MKLN1: variants seen among roughly 807,000 people sequenced by gnomAD.
The protein encoded by MKLN1 is muskelin.
A neutral mutation model predicts 99.0 loss-of-function variants in MKLN1; 18 were observed. The ratio of observed to expected loss-of-function variants is 0.18; its 90% CI spans 0.13 to 0.27. MKLN1 has a LOEUF of 0.27. MKLN1 is among the 10% of genes least tolerant of loss of function. MKLN1 has a pLI of 1.00. For missense variants in MKLN1, 621 were observed against 875.9 expected (o/e 0.71, Z 3.67); for synonymous variants, 288 against 293.2 (o/e 0.98, Z 0.18).
chr7:131,472,902 C>G (rs1025278628), intron 16 of MKLN1, among the ~76,000 whole-genome samples: 6 of 140,412 alleles, frequency 4.3e-5, no homozygotes, highest in Non-Finnish European at 6.0e-5. Context: ...GAGCTGAGAT[C>G]GTGCCACTGC....
intron 2 of MKLN1, among the ~76,000 whole-genome samples, chr7:131,182,610 A>C (rs1377953470): frequency 6.6e-6 from 1 of 151,828 alleles, no homozygotes; most frequent in East Asian, 1.9e-4. Context: ...GTTACTATAG[A>C]GAGATTGTCT....
chr7:131,194,191 T>C (rs1796609570), intron 2 of MKLN1, among the ~76,000 whole-genome samples: 1 of 152,082 alleles, frequency 6.6e-6, no homozygotes, highest in South Asian at 2.1e-4. Context: ...GCATTTAGTA[T>C]ATTTACAACA....
intron 14 of MKLN1, among the ~76,000 whole-genome samples, chr7:131,465,983 A>G (rs1425991176): frequency 6.6e-6 from 1 of 152,224 alleles, no homozygotes; most frequent in East Asian, 1.9e-4. Context: ...TCAGCAAATA[A>G]TATCTTGGAT....
At chr7:131,328,643 C>G (rs1011195531) in intron 1 of MKLN1, among the ~76,000 whole-genome samples, 5 of 152,046 alleles carry the variant, frequency 3.3e-5, no homozygotes, top group African/African-American at 1.2e-4. Flanking sequence ...GGGACGTTAC[C>G]GAAGAATTTC....
At chr7:131,238,267 T>C (rs1797353786) in intron 3 of MKLN1, among the ~76,000 whole-genome samples, 1 of 152,208 alleles carries the variant, frequency 6.6e-6, no homozygotes, top group South Asian at 2.1e-4. Context: ...TAGCTTCATA[T>C]AAGTAATGTT....
upstream of MKLN1, chr7:131,324,162 T>G (rs1479439035): frequency 1.3e-5 from 2 of 152,126 alleles, no homozygotes; most frequent in Non-Finnish European, 2.9e-5. Flanking sequence ...CCTGCAGAGC[T>G]CTATACCCGA....
intron 16 of MKLN1, among the ~76,000 whole-genome samples, chr7:131,472,448 G>A (rs529205735): frequency 5.3e-5 from 8 of 152,168 alleles, no homozygotes; most frequent in Non-Finnish European, 1.2e-4. Context: ...TAAAATTTTG[G>A]TAGCTGGTTT....
At chr7:131,291,101 T>TTTTATTTA (rs58711955) in intron 3 of MKLN1, among the ~76,000 whole-genome samples, 9,957 of 134,792 alleles carry the variant, frequency 0.074, 557 homozygotes, top group African/African-American at 0.15. Flanking sequence ...TCTCATTTTA[T>TTTTATTTA]TTTATTTATT....
At chr7:131,154,291 AG>A (rs1795932914) in intron 2 of MKLN1, among the ~76,000 whole-genome samples, 1 of 152,166 alleles carries the variant, frequency 6.6e-6, no homozygotes, top group Non-Finnish European at 1.5e-5. Context: ...GACTTTGGCC[AG>A]GCTGGTCTCG....
At position 131,327,916 on chromosome 7, in the gene MKLN1, C is replaced by T. The variant is rs763011266; in HGVS notation, c.17C>T (p.Ala6Val). The change falls in exon 1 of 18, where the codon GCT becomes GTT. Residue 6 changes from alanine (A) to valine (V), a missense_variant. Physicochemically the swap from Ala to Val is moderately conservative, Grantham distance 64 (BLOSUM62 0). Around this residue, in one of 8 missense-constraint regions of MKLN1, gnomAD observed 58 missense variants for 40.0 expected, o/e 1.45. Coordinates refer to ENST00000352689, the MANE Select transcript of MKLN1 (RefSeq NM_013255.5). ...GCTGACAAGATGGCGGCTGGCGGAGCTGTCGCTGCGGCGCCCGAGTGCCGG... is the reference window on the plus strand; with the variant it reads ...GCTGACAAGATGGCGGCTGGCGGAGTTGTCGCTGCGGCGCCCGAGTGCCGG... MAAGG[A>V]VAAAPECRLL... is the part of the protein sequence containing the mutation. The T allele has an allele frequency of 1.9e-5, 31 of 1,612,590 alleles. No individual in the cohort carries two copies. The Admixed American group carries it at 5.2e-4, about 27-fold the overall frequency.
At chr7:131,168,759 A>T (rs1250355329) in intron 2 of MKLN1, among the ~76,000 whole-genome samples, 1 of 152,190 alleles carries the variant, frequency 6.6e-6, no homozygotes, top group Non-Finnish European at 1.5e-5. Context: ...AGCCAGCAAA[A>T]TAAGTATTAC....
intron 1 of MKLN1, among the ~76,000 whole-genome samples, chr7:131,121,228 G>A (rs758599468): frequency 1.1e-4 from 17 of 152,066 alleles, no homozygotes; most frequent in Non-Finnish European, 1.5e-4. Context: ...ACAGCAAGGG[G>A]GAAATCCGCC....
chr7:131,489,892 T>G lies in MKLN1; in HGVS notation c.*2164T>G, dbSNP rs1797381434. 1 of 152,122 alleles carries G rather than the reference T, an allele frequency of 6.6e-6. No homozygotes were observed. The highest frequency in any genetic ancestry group is 2.1e-4 in the South Asian group (1 of 4,834). 9.4% of individuals were successfully genotyped at this position (152,122 alleles called of 1,614,324 possible). On this transcript the variant is annotated 3_prime_UTR_variant, in exon 18 of 18. Coordinates refer to ENST00000352689, the MANE Select transcript of MKLN1 (RefSeq NM_013255.5). ...TTTTTCCCCCTTCATTTCTGAAATT[T>G]TTTGCTCACCGCCATGTTTAAATGG... is the stretch of plus-strand genomic sequence containing the variant.
At chr7:131,269,364 G>T (rs563264210) in intron 3 of MKLN1, among the ~76,000 whole-genome samples, 2 of 152,298 alleles carry the variant, frequency 1.3e-5, no homozygotes, top group East Asian at 3.9e-4. Flanking sequence ...AGTTCATAGA[G>T]GGCGTCTTCT....
chr7:131,345,242 G>A (rs115235921), intron 1 of MKLN1, among the ~76,000 whole-genome samples: 2,371 of 152,304 alleles, frequency 0.016, 43 homozygotes, highest in African/African-American at 0.052. Flanking sequence ...AAGACCGGAA[G>A]TGTTTTGGAT....
rs60581249 is a variant in MKLN1 at position 131,252,329 on chromosome 7, C to CTTTTTTTTT, written c.-179+49364_-179+49372dup. Reference sequence around the variant, plus strand: ...CATAGTGAAAGGACTTTTTTCTTTTCTTTTTTTTTTTTTTTTTGAGATGGA... The same window carrying CTTTTTTTTT: ...CATAGTGAAAGGACTTTTTTCTTTTCTTTTTTTTTTTTTTTTTTTTTTTTTTGAGATGGA... On this transcript the variant is annotated intron_variant, in intron 3 of 7. Transcript: ENST00000416992. Among the ~76,000 whole-genome samples, 187 of 118,506 alleles carry CTTTTTTTTT rather than the reference C, an allele frequency of 1.6e-3. 2 individuals are homozygous for CTTTTTTTTT. The highest frequency in any genetic ancestry group is 2.1e-3 in the East Asian group (8 of 3,892). 77.7% of individuals were successfully genotyped at this position (118,506 alleles called of 152,430 possible).
chr7:131,211,875 G>T (rs1201022533), intron 3 of MKLN1, among the ~76,000 whole-genome samples: 1 of 152,178 alleles, frequency 6.6e-6, no homozygotes, highest in Non-Finnish European at 1.5e-5. Flanking sequence ...AAGACTCCAA[G>T]TCTTTGGAGA....
At chr7:131,364,825 A>G (rs373867837) in intron 1 of MKLN1, among the ~76,000 whole-genome samples, 2 of 152,272 alleles carry the variant, frequency 1.3e-5, no homozygotes, top group South Asian at 2.1e-4. Flanking sequence ...CATGGTGCAT[A>G]TGTACCACAT....
chr7:131,407,086 C>A (rs942052680), intron 6 of MKLN1, among the ~76,000 whole-genome samples: 1 of 151,986 alleles, frequency 6.6e-6, no homozygotes, highest in Non-Finnish European at 1.5e-5. Context: ...TTAAGCTTCT[C>A]TAAACCCTTT....
Sources: gnomAD v4.1 joint callset for allele counts (sites outside exome capture counted in the v4.1 genomes callset) on GRCh38, gnomAD v4.1.1 for gene constraint, gnomAD v4.1.1 regional missense constraint, MANE v1.5 for transcripts, NCBI Gene and HGNC (gene_info 2026-07-23, HGNC 2026-07-21) for gene names.